The following TENM4 variants were observed in gnomAD, a reference collection of about 807,000 sequenced individuals.
TENM4 encodes teneurin-4.
TENM4 carries 82 observed loss-of-function variants against 243.3 expected under a neutral mutation model. The ratio of observed to expected loss-of-function variants is 0.34; its 90% CI spans 0.28 to 0.40. TENM4 has a LOEUF of 0.40. Among genes scored for constraint, TENM4 ranks in the 10% least tolerant of loss-of-function variants. The pLI, the probability that TENM4 is intolerant of heterozygous loss-of-function variation, is 1.00. For synonymous variants in TENM4, 1,412 were observed against 1,456.3 expected (o/e 0.97, Z 0.69); for missense variants, 3,138 against 3,673.3 (o/e 0.85, Z 3.77).
At chr11:79,368,432 G>C (rs1033096325) in intron 1 of TENM4, among the ~76,000 whole-genome samples, 1 of 152,132 alleles carries the variant, frequency 6.6e-6, no homozygotes, top group Non-Finnish European at 1.5e-5. Context: ...AAGTACAGAG[G>C]CCACCCTTGG....
chr11:79,220,172 C>T lies in TENM4; in HGVS notation c.-264-4263G>A, dbSNP rs545480354. On this transcript the variant is annotated intron_variant, in intron 2 of 33. Transcript: ENST00000278550. ...AAGGCAGCCCAGAGGGCTCCTAATG[C>T]ACTCAGAACTGTATCATCGCACCTG... Among the ~76,000 whole-genome samples the T allele has an allele frequency of 2.6e-5, 4 of 152,380 alleles. No individual in the cohort carries two copies. The South Asian group carries it at 8.3e-4, about 32-fold the overall frequency.
At chr11:79,066,736 GCACATGCA>G (rs112621401) in intron 5 of TENM4, among the ~76,000 whole-genome samples, 108 of 146,496 alleles carry the variant, frequency 7.4e-4, no homozygotes, top group African/African-American at 2.6e-3. Flanking sequence ...ACACGCGCAC[GCACATGCA>G]CACACGCACG....
intron 21 of TENM4, among the ~76,000 whole-genome samples, chr11:78,729,895 A>G (rs1331718462): frequency 6.6e-6 from 1 of 152,168 alleles, no homozygotes; most frequent in Non-Finnish European, 1.5e-5. Flanking sequence ...AACATGTCAG[A>G]GGACCTGGTA....
At chr11:79,043,581 C>T (rs991176590) in intron 6 of TENM4, among the ~76,000 whole-genome samples, 5 of 152,194 alleles carry the variant, frequency 3.3e-5, no homozygotes, top group African/African-American at 9.6e-5. Flanking sequence ...TTGTTTGTCA[C>T]TGCACCATAA....
At chr11:78,949,726 C>A (rs939192641) in intron 6 of TENM4, among the ~76,000 whole-genome samples, 1 of 152,062 alleles carries the variant, frequency 6.6e-6, no homozygotes, top group Non-Finnish European at 1.5e-5. Flanking sequence ...GAAGTTGGAA[C>A]TGAAATCTGC....
chr11:78,833,759 T>C (rs768583), intron 12 of TENM4, among the ~76,000 whole-genome samples: 2,175 of 152,330 alleles, frequency 0.014, 61 homozygotes, highest in African/African-American at 0.05. Context: ...GGGGGTATGA[T>C]TTTAAGATCT....
At chr11:79,193,650 C>G (rs1478747005) in intron 3 of TENM4, among the ~76,000 whole-genome samples, 5 of 152,178 alleles carry the variant, frequency 3.3e-5, no homozygotes, top group African/African-American at 1.2e-4. Context: ...AGCAGGGTCC[C>G]TGACACTTAC....
intron 3 of TENM4, among the ~76,000 whole-genome samples, chr11:79,213,560 G>A (rs999121697): frequency 6.6e-6 from 1 of 152,164 alleles, no homozygotes; most frequent in South Asian, 2.1e-4. Context: ...TTTGCAAAAC[G>A]TCTTTCCTCC....
intron 1 of TENM4, among the ~76,000 whole-genome samples, chr11:79,396,710 A>G (rs1348853548): frequency 6.6e-6 from 1 of 152,190 alleles, no homozygotes; most frequent in African/African-American, 2.4e-5. Context: ...TGACGCATGC[A>G]TGGTTCTCCC....
chr11:79,264,012 G>C (rs751499281), intron 2 of TENM4, among the ~76,000 whole-genome samples: 14 of 152,174 alleles, frequency 9.2e-5, no homozygotes, highest in Non-Finnish European at 1.9e-4. Context: ...AACCCACTTT[G>C]ATCTAGAGTC....
chr11:78,835,474 C>A (rs1311661831), intron 12 of TENM4, among the ~76,000 whole-genome samples: 1 of 152,190 alleles, frequency 6.6e-6, no homozygotes, highest in Non-Finnish European at 1.5e-5. Context: ...CCACTGCACT[C>A]TAGCCTGGTG....
intron 3 of TENM4, among the ~76,000 whole-genome samples, chr11:79,178,767 A>G (rs1863223500): frequency 6.6e-6 from 1 of 152,186 alleles, no homozygotes; most frequent in Admixed American, 6.5e-5. Flanking sequence ...AGGGTCCAGC[A>G]CAGTCACAGT....
At chr11:78,801,689 T>C (rs1028899278) in intron 15 of TENM4, among the ~76,000 whole-genome samples, 1 of 152,084 alleles carries the variant, frequency 6.6e-6, no homozygotes, top group Non-Finnish European at 1.5e-5. Context: ...ATAGACAGTG[T>C]TCCCTCCTAG....
chr11:79,032,900 T>C (rs1445995225), intron 6 of TENM4, among the ~76,000 whole-genome samples: 1 of 152,194 alleles, frequency 6.6e-6, no homozygotes, highest in East Asian at 1.9e-4. Context: ...AAAAAGTTGT[T>C]ATTCACTTGT....
At chr11:79,123,989 T>A (rs1861806133) in intron 4 of TENM4, among the ~76,000 whole-genome samples, 1 of 151,996 alleles carries the variant, frequency 6.6e-6, no homozygotes, top group Non-Finnish European at 1.5e-5. Context: ...TTAAACCCAT[T>A]TTATAGGGCT....
chr11:78,668,025 C>T (rs1858200841), intron 32 of TENM4, among the ~76,000 whole-genome samples: 1 of 152,124 alleles, frequency 6.6e-6, no homozygotes, highest in South Asian at 2.1e-4. Flanking sequence ...AAGTTGGTTT[C>T]ATGGTAATGG....
At chr11:79,242,470 G>C (rs536819206) in intron 2 of TENM4, among the ~76,000 whole-genome samples, 1 of 152,172 alleles carries the variant, frequency 6.6e-6, no homozygotes, top group Non-Finnish European at 1.5e-5. Context: ...TTAACAGTTT[G>C]TGTGTGTGTT....
intron 6 of TENM4, among the ~76,000 whole-genome samples, chr11:79,031,836 T>C (rs1330381044): frequency 6.6e-6 from 1 of 152,014 alleles, no homozygotes; most frequent in African/African-American, 2.4e-5. Context: ...ATCCAGGGGG[T>C]CATAGAGCAA....
chr11:79,053,592 C>A (rs1457112294), intron 6 of TENM4, among the ~76,000 whole-genome samples: 1 of 152,208 alleles, frequency 6.6e-6, no homozygotes, highest in East Asian at 1.9e-4. Flanking sequence ...TCTCCACCAG[C>A]CAGAAGTCAG....
Sources: gnomAD v4.1 joint callset for allele counts (sites outside exome capture counted in the v4.1 genomes callset) on GRCh38, gnomAD v4.1.1 for gene constraint, MANE v1.5 for transcripts, NCBI Gene and HGNC (gene_info 2026-07-23, HGNC 2026-07-21) for gene names.